The following TBCD variants were observed in gnomAD, a reference collection of about 807,000 sequenced individuals.
TBCD encodes tubulin folding cofactor D.
In TBCD, 105 loss-of-function variants were observed where a neutral mutation model predicts 169.3. The observed-to-expected ratio is 0.62, with a 90% CI of 0.53 to 0.73. The LOEUF is 0.73. Ranked by LOEUF, TBCD falls within the 30% of genes least tolerant of loss-of-function variation. The pLI, the probability that TBCD is intolerant of heterozygous loss-of-function variation, is 0.00. For missense variants in TBCD, 1,444 were observed against 1,600.1 expected, an observed-to-expected ratio of 0.90 and a Z score of 1.66; for synonymous variants, 700 against 643.9, an observed-to-expected ratio of 1.09 and a Z score of -1.32.
Position 82,806,994 on chromosome 17 carries a change from C to G in TBCD, c.1088-614C>G, listed in dbSNP as rs1190247023. ...GCAGGCAGTCCCCCCTGCCCGCATT[C>G]CAGCTGCTGTGCTGGCTCCAGACTG... On this transcript the variant is annotated intron_variant, in intron 10 of 38. Coordinates refer to ENST00000355528, the MANE Select transcript of TBCD (RefSeq NM_005993.5). This position sits in a 1 kb window ranked among gnomAD's most constrained non-coding sequence, Gnocchi z 5.1. Among the ~76,000 whole-genome samples the G allele has an allele frequency of 6.6e-6, 1 of 152,236 alleles. No homozygotes were observed. The highest frequency in any genetic ancestry group is 2.4e-5 in the African/African-American group (1 of 41,464).
chr17:82,791,280 A>G (rs1481469099), intron 7 of TBCD, among the ~76,000 whole-genome samples: 6 of 151,812 alleles, frequency 4.0e-5, no homozygotes, highest in South Asian at 2.1e-4. Context: ...TTTAGTAGAG[A>G]TGGGGTTTCA....
intron 6 of TBCD, among the ~76,000 whole-genome samples, chr17:82,778,023 GTC>G (rs1218848415): frequency 1.3e-5 from 2 of 152,208 alleles, no homozygotes; most frequent in African/African-American, 4.8e-5. Context: ...TCGCACTCTT[GTC>G]TTCTGGTCAC....
intron 35 of TBCD, 200 bp from the exon 36 acceptor site, chr17:82,937,849 C>T: frequency 1.3e-6 from 2 of 1,496,830 alleles, no homozygotes; most frequent in South Asian, 1.3e-5. Flanking sequence ...CCCACAGTGA[C>T]TTTCCAAGTG....
At chr17:82,940,302 C>A in intron 37 of TBCD, among the ~76,000 whole-genome samples, 1 of 152,050 alleles carries the variant, frequency 6.6e-6, no homozygotes, top group Non-Finnish European at 1.5e-5. Context: ...CTGAAGCAAC[C>A]AGAGGCTGTG....
At chr17:82,865,063 G>C (rs752077485) in intron 13 of TBCD, among the ~76,000 whole-genome samples, 32 of 152,214 alleles carry the variant, frequency 2.1e-4, no homozygotes, top group Non-Finnish European at 4.1e-4. Flanking sequence ...CCTCTGGGAA[G>C]GCTTCTCTAC....
chr17:82,932,902 A>G, intron 34 of TBCD, 167 bp downstream of exon 34: 1 of 637,042 alleles, frequency 1.6e-6, no homozygotes, highest in Non-Finnish European at 2.7e-6. Flanking sequence ...TGGCCCTCAA[A>G]ATAACGCAAT....
Position 82,941,329 on chromosome 17 carries a change from C to T in TBCD, c.3480-70C>T, listed in dbSNP as rs150984179. 2.2e-4 allele frequency: 292 copies of T among 1,357,542 alleles called. No homozygotes were observed. In the African/African-American group the frequency reaches 3.3e-3, roughly 15 times the overall value. 84.1% of individuals were successfully genotyped at this position (1,357,542 alleles called of 1,614,324 possible). ...TGACTGCGGCCATGGAAGCTTGACGCGGGACCTCCGCACACCTGAGGTTCT... is the reference window on the plus strand; with the variant it reads ...TGACTGCGGCCATGGAAGCTTGACGTGGGACCTCCGCACACCTGAGGTTCT... On this transcript the variant is annotated intron_variant, in intron 37 of 38. Transcript: ENST00000355528.
At chr17:82,767,930 G>A (rs977756192) in intron 4 of TBCD, among the ~76,000 whole-genome samples, 1 of 151,612 alleles carries the variant, frequency 6.6e-6, no homozygotes, top group Admixed American at 6.6e-5. Context: ...CTCCAGCCTG[G>A]GCAACAGAGC....
intron 13 of TBCD, among the ~76,000 whole-genome samples, chr17:82,842,711 A>T (rs2054622010): frequency 6.6e-6 from 1 of 151,482 alleles, no homozygotes; most frequent in African/African-American, 2.4e-5. Flanking sequence ...AGTTTGGCTG[A>T]GTCTAGAATT....
At chr17:82,892,309 T>C (rs1210370227) in intron 16 of TBCD, among the ~76,000 whole-genome samples, 3 of 152,102 alleles carry the variant, frequency 2.0e-5, no homozygotes, top group Non-Finnish European at 2.9e-5. Flanking sequence ...CATCCCAGGT[T>C]GTGGCACCTG....
chr17:82,918,734 C>T (rs1404998690), intron 23 of TBCD: 4 of 152,174 alleles, frequency 2.6e-5, no homozygotes, highest in South Asian at 2.1e-4. Flanking sequence ...ACCGCTGAGC[C>T]GCGCGTGCCG....
At chr17:82,777,256 CCCAGTAGGTAA>C (rs1317619839) in intron 6 of TBCD, among the ~76,000 whole-genome samples, 1 of 152,176 alleles carries the variant, frequency 6.6e-6, no homozygotes, top group East Asian at 1.9e-4. Context: ...CCCCGCCCTT[CCCAGTAGGTAA>C]CCAGTTGCTT....
At chr17:82,867,537 G>C (rs941326726) in intron 13 of TBCD, among the ~76,000 whole-genome samples, 2 of 152,212 alleles carry the variant, frequency 1.3e-5, no homozygotes, top group Non-Finnish European at 1.5e-5. Context: ...CGAACAGGCT[G>C]CCCTGTTAGC....
intron 3 of TBCD, among the ~76,000 whole-genome samples, chr17:82,765,752 A>G (rs1179459858): frequency 6.6e-6 from 1 of 152,238 alleles, no homozygotes; most frequent in Non-Finnish European, 1.5e-5. Flanking sequence ...GGACAGTCAT[A>G]TAAATGAACA....
At chr17:82,791,807 C>T (rs142081490) in intron 7 of TBCD, among the ~76,000 whole-genome samples, 78 of 152,286 alleles carry the variant, frequency 5.1e-4, no homozygotes, top group African/African-American at 1.8e-3. Flanking sequence ...GCAGTGTCGT[C>T]GTGTGAACAC....
At position 82,938,115 on chromosome 17, in the gene TBCD, C is replaced by G. The variant is rs1473282647; in HGVS notation, c.3348C>G (p.Leu1116=). The G allele has an allele frequency of 2.5e-6, 4 of 1,612,554 alleles. No homozygotes were observed. Among genetic ancestry groups the G allele is most frequent in the Non-Finnish European group, 3.4e-6 (4 of 1,179,856 alleles). The change falls in exon 36 of 39, where the codon CTC becomes CTG. Residue 1116 remains leucine, a synonymous_variant. Transcript: ENST00000355528. ...AGGCCCTCCTGCAGCTGTGTCTGCT[C>G]CTCTGCCACCGTTTCCCGCTGGTGA... is the stretch of plus-strand genomic sequence containing the variant. The part of the protein sequence containing the change: ...RRQALLQLCL[L]LCHRFPLIRK...
intron 34 of TBCD, among the ~76,000 whole-genome samples, chr17:82,934,047 C>G (rs1001427420): frequency 1.3e-5 from 2 of 152,258 alleles, no homozygotes; most frequent in Non-Finnish European, 2.9e-5. Flanking sequence ...TTCTGGCCAT[C>G]TTTTGGGTGG....
chr17:82,868,491 A>G (rs2057340473), intron 13 of TBCD, among the ~76,000 whole-genome samples: 1 of 152,176 alleles, frequency 6.6e-6, no homozygotes, highest in African/African-American at 2.4e-5. Context: ...CATTCTTGAT[A>G]CCACGGTATC....
intron 13 of TBCD, among the ~76,000 whole-genome samples, chr17:82,849,385 A>G (rs2055455489): frequency 6.6e-6 from 1 of 152,202 alleles, no homozygotes; most frequent in South Asian, 2.1e-4. Flanking sequence ...CTAAGTCCTG[A>G]GAGTCACATT....
Sources: gnomAD v4.1 joint callset for allele counts (sites outside exome capture counted in the v4.1 genomes callset) on GRCh38, gnomAD v4.1.1 for gene constraint, Gnocchi (gnomAD v3.1) non-coding constraint, MANE v1.5 for transcripts, NCBI Gene and HGNC (gene_info 2026-07-23, HGNC 2026-07-21) for gene names.